Variants in WASHC4 observed in about 807,000 individuals in gnomAD.
The protein encoded by WASHC4 is WASH complex subunit 7.
A neutral mutation model predicts 166.6 loss-of-function variants in WASHC4; 86 were observed. The observed-to-expected ratio is 0.52, with a 90% CI of 0.43 to 0.62. WASHC4 has a LOEUF of 0.62. Ranked by LOEUF, WASHC4 falls within the 20% of genes least tolerant of loss-of-function variation. The pLI is 0.00. For synonymous variants in WASHC4, 446 were observed against 451.6 expected (o/e 0.99, Z 0.16); for missense variants, 1,262 against 1,382.4 (o/e 0.91, Z 1.38).
At chr12:105,138,580 G>GA (rs1375171867) in intron 15 of WASHC4, among the ~76,000 whole-genome samples, 1 of 152,024 alleles carries the variant, frequency 6.6e-6, no homozygotes, top group Non-Finnish European at 1.5e-5. Flanking sequence ...CTGTATTAAA[G>GA]AAAAAACCTG....
chr12:105,140,873 A>G, intron 16 of WASHC4, 26 bp from the exon 17 acceptor site: 1 of 1,609,868 alleles, frequency 6.2e-7, no homozygotes, highest in Non-Finnish European at 8.5e-7. Flanking sequence ...CTCAGAAACA[A>G]ATAGTTTTCC....
chr12:105,148,119 AAAGTT>A lies in WASHC4; in HGVS notation c.2514+979_2514+983del, dbSNP rs1394925530. Reference sequence around the variant, plus strand: ...GGAGTAGGGAATTGGGAGAAAATGGAAAGTTAAGTTGGGATCATTTAAGTATACAG... The same window carrying A: ...GGAGTAGGGAATTGGGAGAAAATGGAAAGTTGGGATCATTTAAGTATACAG... On this transcript the variant is annotated intron_variant, in intron 24 of 32. Coordinates refer to ENST00000332180, the MANE Select transcript of WASHC4 (RefSeq NM_015275.3). 8 of 985,204 alleles carry A rather than the reference AAAGTT, an allele frequency of 8.1e-6. No individual in the cohort carries two copies. In the African/African-American group the frequency reaches 1.4e-4, roughly 17 times the overall value. 61.0% of individuals were successfully genotyped at this position (985,204 alleles called of 1,614,324 possible).
At chr12:105,125,498 A>C (rs943334175) in intron 10 of WASHC4, among the ~76,000 whole-genome samples, 1 of 152,174 alleles carries the variant, frequency 6.6e-6, no homozygotes, top group African/African-American at 2.4e-5. Flanking sequence ...TTTTGACTGC[A>C]CGAGGGTCAG....
intron 29 of WASHC4, among the ~76,000 whole-genome samples, chr12:105,161,042 TAA>T (rs757063676): frequency 6.6e-6 from 1 of 152,196 alleles, no homozygotes; most frequent in Non-Finnish European, 1.5e-5. Context: ...ATATTAGTAA[TAA>T]GAGTTGTTTT....
rs892453330 is a variant in WASHC4 at position 105,107,922 on chromosome 12, G to T, written c.61+61G>T. The T allele has an allele frequency of 3.9e-6, 5 of 1,280,958 alleles. No homozygotes were observed. The African/African-American group carries it at 5.9e-5, about 15-fold the overall frequency. The allele number at this position is 1,280,958 out of a possible 1,614,324, so 79.3% of individuals were successfully genotyped here. ...GCTCCTTCGGCCCGCCGCTGTTCTG[G>T]GCTGGGCAGCGCTCCTGCGAGAGGG... On this transcript the variant is annotated intron_variant, in intron 1 of 32. Transcript: ENST00000332180.
rs768574664 is a variant in WASHC4 at position 105,160,129 on chromosome 12, A to G, written c.3041A>G (p.Tyr1014Cys). Residue 1014 changes from tyrosine (Y) to cysteine (C), a missense_variant, in exon 29 of 33, where the codon TAT (tyrosine) becomes TGT (cysteine). Tyr to Cys is a radical substitution (Grantham distance 194, BLOSUM62 -2). Coordinates refer to ENST00000332180, the MANE Select transcript of WASHC4 (RefSeq NM_015275.3). ...RPKNIHLRNF[Y>C]IIVPPLTLNF... ...AAGAATATACATCTCCGAAATTTCT[A>G]TATAATTGTTCCCCCTCTGGTGAGT... 1.9e-5 allele frequency: 30 copies of G among 1,613,796 alleles called. No individual in the cohort carries two copies. In the South Asian group the frequency reaches 2.2e-4, roughly 12 times the overall value.
At chr12:105,139,415 A>ATGTGTGTGTG (rs144001458) in intron 15 of WASHC4, among the ~76,000 whole-genome samples, 17 of 94,442 alleles carry the variant, frequency 1.8e-4, no homozygotes, top group East Asian at 1.4e-3. Flanking sequence ...GACTATATAT[A>ATGTGTGTGTG]TGTGTGTGTG....
At chr12:105,118,799 A>C (rs1261421465) in intron 7 of WASHC4, among the ~76,000 whole-genome samples, 2 of 152,288 alleles carry the variant, frequency 1.3e-5, no homozygotes, top group East Asian at 3.9e-4. Flanking sequence ...TGGAATTAGT[A>C]CATGTTCTGT....
At chr12:105,148,388 C>A in intron 24 of WASHC4, 1 of 983,252 alleles carries the variant, frequency 1.0e-6, no homozygotes, top group African/African-American at 1.8e-5. Context: ...TTTTATGTGT[C>A]AGGGACTGTG....
intron 25 of WASHC4, 140 bp from the exon 26 acceptor site, chr12:105,152,203 A>G (rs1021038421): frequency 3.5e-5 from 22 of 623,104 alleles, no homozygotes; most frequent in Middle Eastern, 4.2e-4. Flanking sequence ...TTGGTAGTGT[A>G]TGAATTATTA....
chr12:105,126,693 CTT>C (rs1881316776), intron 12 of WASHC4, among the ~76,000 whole-genome samples: 2 of 151,798 alleles, frequency 1.3e-5, no homozygotes, highest in Admixed American at 1.3e-4. Context: ...CTTTCTATGT[CTT>C]TGCTATTTTC....
intron 14 of WASHC4, among the ~76,000 whole-genome samples, chr12:105,137,185 T>TGTTATC (rs199581128): frequency 2.0e-5 from 3 of 151,586 alleles, no homozygotes; most frequent in African/African-American, 7.3e-5. Flanking sequence ...CCTTTTTTCC[T>TGTTATC]TTATTCCACT....
chr12:105,114,721 T>C (rs560556455), intron 4 of WASHC4, among the ~76,000 whole-genome samples: 1 of 152,182 alleles, frequency 6.6e-6, no homozygotes, highest in African/African-American at 2.4e-5. Flanking sequence ...AGTTTGAATC[T>C]AGGTTTACAA....
intron 28 of WASHC4, 21 bp downstream of exon 28, chr12:105,157,343 T>G: frequency 7.4e-7 from 1 of 1,343,902 alleles, no homozygotes; most frequent in Non-Finnish European, 1.1e-6. Flanking sequence ...TTTGGAAATA[T>G]AAAAAAGTGT....
intron 13 of WASHC4, among the ~76,000 whole-genome samples, chr12:105,128,145 A>C (rs567904929): frequency 7.6e-4 from 115 of 152,140 alleles, no homozygotes; most frequent in Non-Finnish European, 1.2e-3. Flanking sequence ...TATCAAAGGG[A>C]AGTTGGATCA....
intron 29 of WASHC4, among the ~76,000 whole-genome samples, chr12:105,162,204 A>G (rs1345677336): frequency 6.6e-6 from 1 of 152,208 alleles, no homozygotes; most frequent in African/African-American, 2.4e-5. Flanking sequence ...TAGATAAGTC[A>G]TTTTGGAAGA....
At chr12:105,130,662 T>G (rs1881713848) in intron 13 of WASHC4, among the ~76,000 whole-genome samples, 1 of 152,126 alleles carries the variant, frequency 6.6e-6, no homozygotes, top group Non-Finnish European at 1.5e-5. Flanking sequence ...TCAGAGTTTA[T>G]GTAAGTGAGT....
chr12:105,158,014 AG>A (rs1884284311), intron 28 of WASHC4, among the ~76,000 whole-genome samples: 1 of 152,200 alleles, frequency 6.6e-6, no homozygotes, highest in Non-Finnish European at 1.5e-5. Context: ...CCCCTGGGCA[AG>A]GGGGAGACAA....
intron 31 of WASHC4, 154 bp from the exon 32 acceptor site, chr12:105,164,487 A>C: frequency 1.2e-6 from 1 of 810,268 alleles, no homozygotes; most frequent in Non-Finnish European, 2.0e-6. Flanking sequence ...TCACATCTTA[A>C]AAATGGGCGG....
Sources: gnomAD v4.1 joint callset for allele counts (sites outside exome capture counted in the v4.1 genomes callset) on GRCh38, gnomAD v4.1.1 for gene constraint, MANE v1.5 for transcripts, NCBI Gene and HGNC (gene_info 2026-07-23, HGNC 2026-07-21) for gene names.